Variants in COL25A1 observed in about 807,000 individuals in gnomAD.
The protein encoded by COL25A1 is collagen alpha-1(XXV) chain.
Under a neutral mutation model 128.4 loss-of-function variants are expected in COL25A1, and 103 were observed. The observed-to-expected ratio is 0.80, with a 90% CI of 0.68 to 0.94. COL25A1 has a LOEUF of 0.94. Ranked by LOEUF, COL25A1 falls within the 40% of genes least tolerant of loss-of-function variation. COL25A1 has a pLI of 0.00. For missense variants in COL25A1, 745 were observed against 840.0 expected, an observed-to-expected ratio of 0.89 and a Z score of 1.40; for synonymous variants, 279 against 277.2, an observed-to-expected ratio of 1.01 and a Z score of -0.06.
intron 5 of COL25A1, 143 bp from the exon 6 acceptor site, chr4:109,010,518 G>A (rs1190203732): frequency 1.7e-6 from 1 of 595,880 alleles, no homozygotes; most frequent in Non-Finnish European, 2.9e-6. Flanking sequence ...TTTCACTTGT[G>A]GCTTTAAAAA....
At chr4:108,841,062 G>A (rs980884720) in intron 31 of COL25A1, among the ~76,000 whole-genome samples, 4 of 152,082 alleles carry the variant, frequency 2.6e-5, no homozygotes, top group East Asian at 3.9e-4. Context: ...ATGTCCTCGC[G>A]GTCTAGACAA....
At chr4:109,209,247 C>T (rs1422007694) in intron 3 of COL25A1, among the ~76,000 whole-genome samples, 3 of 152,000 alleles carry the variant, frequency 2.0e-5, no homozygotes, top group Non-Finnish European at 2.9e-5. Flanking sequence ...TTTCTATTTC[C>T]AAAAGCAGAT....
Position 108,827,314 on chromosome 4 carries a change from C to T in COL25A1, c.1711-126G>A, listed in dbSNP as rs1005292892. ...TATGAAAATCTCAAAGATTTAGCCT[C>T]TTGCAGAGTCACTGCCAGTGATATT... is the stretch of plus-strand genomic sequence containing the variant. On this transcript the variant is annotated intron_variant, in intron 32 of 37. Transcript: ENST00000399132. 9 of 801,684 alleles carry T rather than the reference C, an allele frequency of 1.1e-5. No individual in the cohort carries two copies. The Admixed American group carries it at 1.9e-4, about 17-fold the overall frequency. The allele number at this position is 801,684 out of a possible 1,614,324, so 49.7% of individuals were successfully genotyped here. A position where few individuals can be genotyped will look rare whatever the true frequency, so the allele number is the denominator to read the frequency against.
chr4:108,840,508 T>C (rs911839896), intron 31 of COL25A1, among the ~76,000 whole-genome samples: 1 of 152,112 alleles, frequency 6.6e-6, no homozygotes, highest in Non-Finnish European at 1.5e-5. Context: ...CCTGCCTGAC[T>C]GGGAAAAGGA....
intron 33 of COL25A1, among the ~76,000 whole-genome samples, chr4:108,825,602 C>T (rs535387349): frequency 1.3e-5 from 2 of 152,108 alleles, no homozygotes; most frequent in Non-Finnish European, 2.9e-5. Flanking sequence ...ATGTTTAAAG[C>T]TTGGTATCTA....
At chr4:109,272,644 G>C (rs980381487) in intron 3 of COL25A1, among the ~76,000 whole-genome samples, 2 of 152,202 alleles carry the variant, frequency 1.3e-5, no homozygotes, top group Non-Finnish European at 2.9e-5. Flanking sequence ...GTGGGAGTTA[G>C]AGAGGCCCAG....
chr4:108,879,033 T>C (rs1249020775), intron 19 of COL25A1, among the ~76,000 whole-genome samples: 1 of 152,246 alleles, frequency 6.6e-6, no homozygotes, highest in Admixed American at 6.5e-5. Context: ...GATCTGATGT[T>C]TGTGAGGAAG....
At chr4:109,164,760 TC>T (rs1772909880) in intron 3 of COL25A1, among the ~76,000 whole-genome samples, 1 of 152,204 alleles carries the variant, frequency 6.6e-6, no homozygotes, top group Non-Finnish European at 1.5e-5. Flanking sequence ...ATGTTTTTGT[TC>T]TTTTAAATAT....
intron 3 of COL25A1, among the ~76,000 whole-genome samples, chr4:109,138,865 G>A (rs1359195000): frequency 3.3e-5 from 5 of 151,878 alleles, no homozygotes; most frequent in African/African-American, 9.7e-5. Flanking sequence ...CCACCACCAC[G>A]CCTGGCTAAT....
chr4:109,010,436 C>A (rs1756469512), intron 5 of COL25A1, 61 bp from the exon 6 acceptor site: 2 of 1,159,770 alleles, frequency 1.7e-6, no homozygotes, highest in African/African-American at 3.2e-5. Context: ...AATATTTTCA[C>A]TACCAAAACT....
chr4:109,041,368 T>TC (rs1340432549), intron 5 of COL25A1, among the ~76,000 whole-genome samples: 6 of 126,774 alleles, frequency 4.7e-5, no homozygotes, highest in African/African-American at 1.9e-4. Context: ...GTCACCCCCT[T>TC]TTTTAAAAAA....
At chr4:109,174,878 C>T (rs1246609652) in intron 3 of COL25A1, among the ~76,000 whole-genome samples, 2 of 152,182 alleles carry the variant, frequency 1.3e-5, no homozygotes, top group Non-Finnish European at 2.9e-5. Context: ...CAGCAGGAAG[C>T]AAGCAGCAGG....
intron 8 of COL25A1, among the ~76,000 whole-genome samples, chr4:108,946,525 C>A (rs1208175982): frequency 6.6e-6 from 1 of 152,210 alleles, no homozygotes; most frequent in Non-Finnish European, 1.5e-5. Context: ...GACTAACATT[C>A]AACAATATTT....
rs184142319 is a variant in COL25A1 at position 108,918,077 on chromosome 4, A to T, written c.780+95T>A. On this transcript the variant is annotated intron_variant, in intron 13 of 37. Transcript: ENST00000399132. ...TTCAAAACATAGTGTTTTTATAAGC[A>T]TATAAGCTTATTACTAACATTATGG... is the stretch of plus-strand genomic sequence containing the variant. The T allele has an allele frequency of 3.9e-4, 254 of 647,256 alleles. 1 individual carries two copies. The highest frequency in any genetic ancestry group is 4.6e-4 in the Non-Finnish European group (181 of 391,898). The allele number at this position is 647,256 out of a possible 1,614,324, so 40.1% of individuals were successfully genotyped here.
At chr4:109,243,133 T>C (rs537804665) in intron 3 of COL25A1, among the ~76,000 whole-genome samples, 54 of 152,248 alleles carry the variant, frequency 3.5e-4, no homozygotes, top group African/African-American at 1.3e-3. Flanking sequence ...CGTTTCTTAA[T>C]ATTAAACTAT....
At chr4:109,254,395 C>T (rs1046633376) in intron 3 of COL25A1, among the ~76,000 whole-genome samples, 3 of 146,408 alleles carry the variant, frequency 2.0e-5, no homozygotes, top group Non-Finnish European at 4.5e-5. Context: ...GCTGGGAACG[C>T]TATTGAGCAG....
At chr4:108,838,609 C>A (rs992038269) in intron 31 of COL25A1, among the ~76,000 whole-genome samples, 4 of 152,132 alleles carry the variant, frequency 2.6e-5, no homozygotes, top group East Asian at 3.8e-4. Context: ...ATATTTTAAG[C>A]CTTTAAGCAT....
At chr4:109,287,099 T>C (rs1224090592) in intron 3 of COL25A1, among the ~76,000 whole-genome samples, 1 of 152,224 alleles carries the variant, frequency 6.6e-6, no homozygotes, top group Non-Finnish European at 1.5e-5. Flanking sequence ...CATGTTACTA[T>C]TTTTGAAGTC....
At chr4:108,879,530 C>T (rs928429266) in intron 19 of COL25A1, among the ~76,000 whole-genome samples, 2 of 152,162 alleles carry the variant, frequency 1.3e-5, no homozygotes, top group African/African-American at 4.8e-5. Flanking sequence ...TCACTGCAGC[C>T]TCCACCTCCC....
Sources: allele counts gnomAD v4.1 joint callset (sites outside exome capture counted in the v4.1 genomes callset), GRCh38; gene constraint gnomAD v4.1.1; transcripts MANE v1.5; gene names NCBI Gene and HGNC (gene_info 2026-07-23, HGNC 2026-07-21).